The following PTPDC1 variants were observed in gnomAD, a reference collection of about 807,000 sequenced individuals.
PTPDC1 encodes protein tyrosine phosphatase domain-containing protein 1.
A neutral mutation model predicts 75.3 loss-of-function variants in PTPDC1; 53 were observed. The ratio of observed to expected loss-of-function variants is 0.70; its 90% CI spans 0.56 to 0.88. The LOEUF (loss-of-function observed/expected upper bound fraction) is 0.88. PTPDC1 is among the 40% of genes least tolerant of loss of function. PTPDC1 has a pLI of 0.00. For missense variants in PTPDC1, 925 were observed against 998.6 expected (o/e 0.93, Z 0.99); for synonymous variants, 349 against 366.2 (o/e 0.95, Z 0.54).
chr9:94,072,360 A>G (rs1324354097), intron 2 of PTPDC1, among the ~76,000 whole-genome samples: 1 of 152,082 alleles, frequency 6.6e-6, no homozygotes, highest in African/African-American at 2.4e-5. Flanking sequence ...GTGTATAGAA[A>G]TGCAATTGAT....
At chr9:94,050,241 G>T (rs1363100443) in intron 1 of PTPDC1, among the ~76,000 whole-genome samples, 1 of 152,156 alleles carries the variant, frequency 6.6e-6, no homozygotes, top group Non-Finnish European at 1.5e-5. Flanking sequence ...GTCCAGCTTT[G>T]TTCCGTTGCT....
chr9:94,074,061 A>T (rs1826598150), intron 2 of PTPDC1, among the ~76,000 whole-genome samples: 1 of 152,134 alleles, frequency 6.6e-6, no homozygotes. Flanking sequence ...ATGTCTGTTG[A>T]TTGTTTCTTA....
intron 2 of PTPDC1, among the ~76,000 whole-genome samples, chr9:94,068,008 T>G (rs1018031615): frequency 2.6e-5 from 4 of 152,162 alleles, no homozygotes; most frequent in Non-Finnish European, 5.9e-5. Context: ...CAACCTGTAT[T>G]TTGCTGATAA....
chr9:94,083,601 T>C (rs901046521), upstream of PTPDC1, among the ~76,000 whole-genome samples: 10 of 152,208 alleles, frequency 6.6e-5, no homozygotes, highest in Non-Finnish European at 1.0e-4. Context: ...AGGCGGACAA[T>C]GAGTACATTA....
intron 1 of PTPDC1, among the ~76,000 whole-genome samples, chr9:94,059,921 A>G (rs980386716): frequency 1.3e-5 from 2 of 152,202 alleles, no homozygotes; most frequent in African/African-American, 4.8e-5. Context: ...TAATGTGATA[A>G]TAAGCCACAT....
At chr9:94,053,945 A>T (rs972435905) in intron 1 of PTPDC1, among the ~76,000 whole-genome samples, 3 of 152,212 alleles carry the variant, frequency 2.0e-5, no homozygotes, top group African/African-American at 7.2e-5. Flanking sequence ...ATTCAGAGAG[A>T]TTAAGTGATG....
intron 1 of PTPDC1, among the ~76,000 whole-genome samples, chr9:94,053,880 C>T (rs1402078337): frequency 1.3e-5 from 2 of 152,122 alleles, no homozygotes; most frequent in South Asian, 2.1e-4. Context: ...TAGCAATAAC[C>T]CTGAGATGCG....
chr9:94,097,793 T>G lies in PTPDC1; in HGVS notation c.1227T>G (p.Asp409Glu). 6.2e-7 allele frequency: 1 copy of G among 1,614,170 alleles called. No homozygotes were observed. Among genetic ancestry groups the G allele is most frequent in the Non-Finnish European group, 8.5e-7 (1 of 1,180,032 alleles). The change falls in exon 6 of 9, where the codon GAT becomes GAG. Residue 409 changes from aspartate (D) to glutamate (E), a missense_variant. Transcript: ENST00000620992. The stretch of plus-strand genomic sequence containing the variant: ...CTAACCCCACTGCAGTGGCAGCAGA[T>G]TTTGACAATCGAGGCATGATTTTCT... ...NPPNPTAVAA[D>E]FDNRGMIFSN...
intron 2 of PTPDC1, among the ~76,000 whole-genome samples, chr9:94,079,290 G>C (rs1826800020): frequency 6.6e-6 from 1 of 152,028 alleles, no homozygotes. Flanking sequence ...AGAAGACAGT[G>C]GTTTTTTTTT....
intron 2 of PTPDC1, among the ~76,000 whole-genome samples, chr9:94,066,975 A>G (rs117961567): frequency 0.012 from 1,867 of 152,342 alleles, 15 homozygotes; most frequent in Non-Finnish European, 0.02. Flanking sequence ...TATATGCATC[A>G]TCCCTCAAAT....
At chr9:94,064,654 A>G in intron 1 of PTPDC1, 1 of 945,762 alleles carries the variant, frequency 1.1e-6, no homozygotes, top group Admixed American at 2.1e-5. Flanking sequence ...ATTGGATAAC[A>G]AAGGTCTAGC....
In PTPDC1 at chr9:94,095,431, G is replaced by T; in HGVS notation, c.731G>T (p.Cys244Phe). ...CAGGAAGGAAAAGTAGCTATCCATTGTCATGCAGGGCTTGGTCGAACAGGT... is the reference window on the plus strand; with the variant it reads ...CAGGAAGGAAAAGTAGCTATCCATTTTCATGCAGGGCTTGGTCGAACAGGT... Reference protein sequence around the residue: ...ALQEGKVAIHCHAGLGRTGVL... With the variant: ...ALQEGKVAIHFHAGLGRTGVL... The change falls in exon 5 of 9, where the codon TGT (cysteine) becomes TTT (phenylalanine). Residue 244 changes from cysteine (C) to phenylalanine (F), a missense_variant. Physicochemically the swap from Cys to Phe is radical, Grantham distance 205. Coordinates refer to ENST00000620992, the MANE Select transcript of PTPDC1 (RefSeq NM_001253829.2). 6.2e-7 allele frequency: 1 copy of T among 1,613,708 alleles called. No individual in the cohort carries two copies. The highest frequency in any genetic ancestry group is 8.5e-7 in the Non-Finnish European group (1 of 1,179,758).
chr9:94,098,497 G>A lies in PTPDC1; in HGVS notation c.1931G>A (p.Arg644Lys). The A allele has an allele frequency of 1.2e-6, 2 of 1,614,204 alleles. No homozygotes were observed. The highest frequency in any genetic ancestry group is 1.7e-6 in the Non-Finnish European group (2 of 1,180,036). ...LQSELSAEAR[R>K]ILAAKALANL... ...TCTGAATTGAGTGCTGAGGCAAGAAGAATACTGGCGGCCAAAGCCCTAGCA... is the reference window on the plus strand; with the variant it reads ...TCTGAATTGAGTGCTGAGGCAAGAAAAATACTGGCGGCCAAAGCCCTAGCA... The change falls in exon 6 of 9, where the codon AGA becomes AAA. Residue 644 changes from arginine (R) to lysine (K), a missense_variant. Coordinates refer to ENST00000620992, the MANE Select transcript of PTPDC1 (RefSeq NM_001253829.2).
rs192652031 is a variant in PTPDC1, at chr9:94,107,461, C to G, written c.2311-367C>G. ...TGTCCAGAGTGGCCGTAGGGCCTCT[C>G]AGCAGGACGTATACAGCTGATGTGC... On this transcript the variant is annotated intron_variant, in intron 8 of 8. Coordinates refer to ENST00000620992, the MANE Select transcript of PTPDC1 (RefSeq NM_001253829.2). Among the ~76,000 whole-genome samples, 578 of 152,322 alleles carry G rather than the reference C, an allele frequency of 3.8e-3. 2 individuals are homozygous for G. Among genetic ancestry groups the G allele is most frequent in the Middle Eastern group, 3.4e-3 (1 of 294 alleles).
chr9:94,085,750 A>G (rs994066360), intron 2 of PTPDC1, among the ~76,000 whole-genome samples: 1 of 152,236 alleles, frequency 6.6e-6, no homozygotes, highest in Non-Finnish European at 1.5e-5. Context: ...TCAGCTATAA[A>G]TTTGAGAAAA....
chr9:94,083,743 C>G (rs1446250175), upstream of PTPDC1, among the ~76,000 whole-genome samples: 2 of 152,122 alleles, frequency 1.3e-5, no homozygotes, highest in African/African-American at 4.8e-5. Flanking sequence ...ATTATTGAAG[C>G]TTCTTTTTTC....
At chr9:94,057,395 A>G (rs1825977255) in intron 1 of PTPDC1, among the ~76,000 whole-genome samples, 1 of 152,148 alleles carries the variant, frequency 6.6e-6, no homozygotes, top group Non-Finnish European at 1.5e-5. Flanking sequence ...ATTACTAACT[A>G]TTAACAGGAG....
rs149070193 is a variant in PTPDC1 at position 94,095,201 on chromosome 9, A to G, written c.617-116A>G. 1.5e-4 allele frequency: 104 copies of G among 710,474 alleles called. 1 individual carries two copies. In the East Asian group the frequency reaches 2.2e-3, roughly 15 times the overall value. The allele number at this position is 710,474 out of a possible 1,614,324, so 44.0% of individuals were successfully genotyped here. A position where few individuals can be genotyped will look rare whatever the true frequency, so the allele number is the denominator to read the frequency against. ...AAATCCCTCTTATTTTATGCAGTGT[A>G]TGCACTGAGATCTACATGCCTCAGT... is the stretch of plus-strand genomic sequence containing the variant. On this transcript the variant is annotated intron_variant, in intron 4 of 8. Coordinates refer to ENST00000620992, the MANE Select transcript of PTPDC1 (RefSeq NM_001253829.2).
intron 1 of PTPDC1, among the ~76,000 whole-genome samples, chr9:94,044,567 A>G (rs1009757209): frequency 2.6e-5 from 4 of 152,126 alleles, no homozygotes; most frequent in Admixed American, 1.3e-4. Flanking sequence ...CAGTTTGCTG[A>G]GGATGACTTT....
Sources: gnomAD v4.1 joint callset for allele counts (sites outside exome capture counted in the v4.1 genomes callset) on GRCh38, gnomAD v4.1.1 for gene constraint, MANE v1.5 for transcripts, NCBI Gene and HGNC (gene_info 2026-07-23, HGNC 2026-07-21) for gene names.